The following ALMS1 variants were observed in gnomAD, a reference collection of about 807,000 sequenced individuals.
ALMS1 encodes the protein centrosome-associated protein ALMS1.
Under a neutral mutation model 352.2 loss-of-function variants are expected in ALMS1, and 271 were observed. The observed-to-expected ratio is 0.77, with a 90% CI of 0.70 to 0.85. The LOEUF is 0.85. Ranked by LOEUF, ALMS1 falls within the 40% of genes least tolerant of loss-of-function variation. ALMS1 has a pLI of 0.00. For missense variants in ALMS1, 5,445 were observed against 4,870.7 expected (o/e 1.12, Z -3.51); for synonymous variants, 1,865 against 1,761.2 (o/e 1.06, Z -1.48).
At chr2:73,549,208 T>G (rs921205675) in intron 12 of ALMS1, among the ~76,000 whole-genome samples, 8 of 152,214 alleles carry the variant, frequency 5.3e-5, no homozygotes, top group Non-Finnish European at 7.3e-5. Flanking sequence ...TGGCATGGAT[T>G]ATAGATTAAT....
chr2:73,543,711 T>G (rs1674244932), intron 12 of ALMS1, among the ~76,000 whole-genome samples: 1 of 152,142 alleles, frequency 6.6e-6, no homozygotes, highest in Admixed American at 6.5e-5. Flanking sequence ...GCGAAGGATA[T>G]GAACAGACAC....
Position 73,452,927 on chromosome 2 carries a change from T to TA in ALMS1, c.6400_6401insA (p.Leu2134TyrfsTer7). 1 of 1,613,790 alleles carries TA rather than the reference T, an allele frequency of 6.2e-7. No homozygotes were observed. The highest frequency in any genetic ancestry group is 8.5e-7 in the Non-Finnish European group (1 of 1,179,978). ...TGGACCAGCTGGCCAGAAAACAGTA[T>TA]TACCAACAGCTCTTCCTAGTTCCTT... On this transcript the variant is annotated frameshift_variant, in exon 8 of 23. Transcript: ENST00000613296. LOFTEE classifies it high-confidence loss of function.
At chr2:73,405,700 C>T (rs901105202) in intron 1 of ALMS1, among the ~76,000 whole-genome samples, 8 of 151,572 alleles carry the variant, frequency 5.3e-5, no homozygotes, top group African/African-American at 1.2e-4. Context: ...TAGGCATTTA[C>T]GACTGTAGAT....
intron 9 of ALMS1, chr2:73,456,862 CTG>C (rs1672077399): frequency 6.6e-6 from 1 of 151,518 alleles, no homozygotes. Flanking sequence ...TCTCAGTGAT[CTG>C]TGTTTCCCTA....
chr2:73,445,953 A>AACAT (rs1281852773), intron 7 of ALMS1, among the ~76,000 whole-genome samples: 1 of 152,172 alleles, frequency 6.6e-6, no homozygotes, highest in Non-Finnish European at 1.5e-5. Context: ...GGACTCTAAA[A>AACAT]ACATACCATT....
rs550425627 is a variant in ALMS1 at position 73,541,092 on chromosome 2, C to G, written c.9907+6143C>G. Among the ~76,000 whole-genome samples, 3 of 152,330 alleles carry G rather than the reference C, an allele frequency of 2.0e-5. No individual in the cohort carries two copies. The East Asian group carries it at 5.8e-4, about 29-fold the overall frequency. On this transcript the variant is annotated intron_variant, in intron 12 of 22. Coordinates refer to ENST00000613296, the MANE Select transcript of ALMS1 (RefSeq NM_001378454.1). The stretch of plus-strand genomic sequence containing the variant: ...ACAGTCTTCTCAGTACCATACCACA[C>G]CTATTCCAAAAGTGACCACATAGTT...
At position 73,519,964 on chromosome 2, in the gene ALMS1, G is replaced by A. The variant is rs1394836058; in HGVS notation, c.9729G>A (p.Lys3243=). The A allele has an allele frequency of 1.9e-6, 3 of 1,613,968 alleles. No individual in the cohort carries two copies. In the Admixed American group the frequency reaches 5.0e-5, roughly 27 times the overall value. ...GNQKLRKAPV[K]FASSSSVQQV... is the part of the protein sequence containing the mutation. ...AGAAGCTACGCAAAGCTCCTGTCAA[G>A]TTTGCCTCATCATCTTCAGTCCAAC... Residue 3243 remains lysine, a synonymous_variant, in exon 11 of 23, where the codon AAG becomes AAA. Transcript: ENST00000613296.
intron 9 of ALMS1, among the ~76,000 whole-genome samples, chr2:73,474,319 C>T (rs74672998): frequency 0.011 from 1,575 of 148,762 alleles, 22 homozygotes; most frequent in African/African-American, 0.038. Flanking sequence ...CATGGTAATA[C>T]GTTTCTTTTA....
Position 73,490,394 on chromosome 2 carries a change from T to C in ALMS1, c.8435T>C (p.Leu2812Ser). ...FERSFQEEKP[L>S]ERSDFTGSHS... ...CGTTCTTTTCAAGAAGAAAAACCCT[T>C]AGAAAGATCAGATTTTACAGGCAGT... Residue 2812 changes from leucine (L) to serine (S), a missense_variant, in exon 10 of 23, where the codon TTA (leucine) becomes TCA (serine). Coordinates refer to ENST00000613296, the MANE Select transcript of ALMS1 (RefSeq NM_001378454.1). 3 of 1,614,090 alleles carry C rather than the reference T, an allele frequency of 1.9e-6. No homozygotes were observed. The highest frequency in any genetic ancestry group is 1.7e-6 in the Non-Finnish European group (2 of 1,180,010).
chr2:73,602,391 C>T (rs1435205997), intron 20 of ALMS1, 23 bp downstream of exon 20: 2 of 1,613,684 alleles, frequency 1.2e-6, no homozygotes, highest in South Asian at 1.1e-5. Context: ...CGTTCACTTT[C>T]CTGTGAGTGG....
At chr2:73,437,257 G>A (rs1401737385) in intron 7 of ALMS1, among the ~76,000 whole-genome samples, 2 of 152,172 alleles carry the variant, frequency 1.3e-5, no homozygotes, top group Non-Finnish European at 2.9e-5. Flanking sequence ...CTGGGGGCAG[G>A]TTCATTGGTC....
At chr2:73,597,300 T>G (rs1675573007) in intron 16 of ALMS1, among the ~76,000 whole-genome samples, 1 of 152,204 alleles carries the variant, frequency 6.6e-6, no homozygotes, top group South Asian at 2.1e-4. Flanking sequence ...CTGGGTAACC[T>G]TGGTTATTAG....
chr2:73,573,318 A>C lies in ALMS1; in HGVS notation c.11441A>C (p.Asn3814Thr), dbSNP rs763907736. ...RRIKLYSSIT[N>T]QQRRYLEKRS... ...ATTAAATTATATAGCAGCATCACCA[A>C]CCAACAGAGGAGATACCTTGAGAAG... The change falls in exon 16 of 23, where the codon AAC becomes ACC. Residue 3814 changes from asparagine (N) to threonine (T), a missense_variant. Coordinates refer to ENST00000613296, the MANE Select transcript of ALMS1 (RefSeq NM_001378454.1). 5.0e-6 allele frequency: 8 copies of C among 1,614,028 alleles called. No individual in the cohort carries two copies. The African/African-American group carries it at 5.3e-5, about 11-fold the overall frequency.
At position 73,449,673 on chromosome 2, in the gene ALMS1, C is replaced by T. The variant is rs1359151536; in HGVS notation, c.3146C>T (p.Ser1049Phe). ...GAGATACCAGCAGTACAGTCTAGTT[C>T]TTACCCACAGAGGGAGAAGCCTAGT... ...KTEIPAVQSS[S>F]YPQREKPSVL... is the part of the protein sequence containing the mutation. Residue 1049 changes from serine to phenylalanine, a missense_variant, in exon 8 of 23, where the codon TCT (serine) becomes TTT (phenylalanine). Physicochemically the swap from Ser to Phe is radical, Grantham distance 155. Transcript: ENST00000613296. 1 of 1,614,044 alleles carries T rather than the reference C, an allele frequency of 6.2e-7. No homozygotes were observed. Among genetic ancestry groups the T allele is most frequent in the East Asian group, 2.2e-5 (1 of 44,872 alleles).
At chr2:73,514,290 A>G (rs1038962597) in intron 10 of ALMS1, among the ~76,000 whole-genome samples, 6 of 151,846 alleles carry the variant, frequency 4.0e-5, no homozygotes, top group African/African-American at 1.2e-4. Context: ...TTTTTATTCC[A>G]TGCTATTTTC....
At chr2:73,447,849 T>A in intron 7 of ALMS1, 111 bp from the exon 8 acceptor site, 1 of 1,350,206 alleles carries the variant, frequency 7.4e-7, no homozygotes, top group Non-Finnish European at 9.7e-7. Context: ...GCTGTTTCCT[T>A]AGGATTCATT....
intron 15 of ALMS1, among the ~76,000 whole-genome samples, chr2:73,569,160 G>T (rs976688151): frequency 4.0e-5 from 6 of 151,612 alleles, no homozygotes; most frequent in Admixed American, 2.0e-4. Flanking sequence ...GATTGCACGT[G>T]TGCACCACCG....
Position 73,599,471 on chromosome 2 carries a change from C to T in ALMS1, c.11618C>T (p.Thr3873Ile). 1 of 1,613,674 alleles carries T rather than the reference C, an allele frequency of 6.2e-7. No homozygotes were observed. Among genetic ancestry groups the T allele is most frequent in the Non-Finnish European group, 8.5e-7 (1 of 1,179,732 alleles). ...AGTAGTTTCCTGAGCTCAAACTCTA[C>T]TTTTTGCAACAAGCAGAATGTACAC... ...SASSFLSSNS[T>I]FCNKQNVHML... Residue 3873 changes from threonine (T) to isoleucine (I), a missense_variant, in exon 17 of 23, where the codon ACT (threonine) becomes ATT (isoleucine). Transcript: ENST00000613296.
intron 9 of ALMS1, among the ~76,000 whole-genome samples, chr2:73,467,755 A>G (rs558508559): frequency 7.9e-5 from 12 of 152,224 alleles, no homozygotes; most frequent in Admixed American, 3.9e-4. Flanking sequence ...CTGTGTAGCC[A>G]TAAAAGATAG....
Sources: allele counts gnomAD v4.1 joint callset (sites outside exome capture counted in the v4.1 genomes callset), GRCh38; gene constraint gnomAD v4.1.1; transcripts MANE v1.5; gene names NCBI Gene and HGNC (gene_info 2026-07-23, HGNC 2026-07-21).